PPP2R5E: variants seen among roughly 807,000 people sequenced by gnomAD.
PPP2R5E encodes serine/threonine-protein phosphatase 2A 56 kDa regulatory subunit epsilon isoform.
In PPP2R5E, 4 loss-of-function variants were observed where a neutral mutation model predicts 65.3. That is an observed-to-expected ratio of 0.06 (90% confidence interval 0.03 to 0.14). The LOEUF (loss-of-function observed/expected upper bound fraction) is 0.14. PPP2R5E is among the 10% of genes least tolerant of loss of function. PPP2R5E has a pLI of 1.00. For synonymous variants in PPP2R5E, 183 were observed against 187.4 expected, an observed-to-expected ratio of 0.98 and a Z score of 0.19; for missense variants, 274 against 556.1, an observed-to-expected ratio of 0.49 and a Z score of 5.10.
chr14:63,495,928 G>A (rs975593325), intron 2 of PPP2R5E, among the ~76,000 whole-genome samples: 13 of 152,042 alleles, frequency 8.6e-5, no homozygotes, highest in Admixed American at 5.2e-4. Flanking sequence ...GGGCTCAAGC[G>A]ATCCTCCCGC....
At chr14:63,435,628 C>A (rs1206216239) in intron 3 of PPP2R5E, among the ~76,000 whole-genome samples, 1 of 152,170 alleles carries the variant, frequency 6.6e-6, no homozygotes, top group East Asian at 1.9e-4. Context: ...TTAAGTCTAA[C>A]CTCCTCTGCT....
intron 5 of PPP2R5E, among the ~76,000 whole-genome samples, chr14:63,398,269 A>T (rs1885528682): frequency 6.6e-6 from 1 of 152,168 alleles, no homozygotes; most frequent in Admixed American, 6.5e-5. Context: ...ATGGAAATGC[A>T]AGAGAACCAG....
At chr14:63,415,347 A>G (rs1178801988) in intron 4 of PPP2R5E, 115 bp from the exon 5 acceptor site, 3 of 604,160 alleles carry the variant, frequency 5.0e-6, no homozygotes, top group Middle Eastern at 4.5e-4. Flanking sequence ...TGATTTTAAT[A>G]TCAATCAACA....
chr14:63,384,407 G>A, intron 12 of PPP2R5E, 37 bp downstream of exon 12: 3 of 1,589,454 alleles, frequency 1.9e-6, no homozygotes, highest in Non-Finnish European at 2.6e-6. Context: ...AGAGAGGAAG[G>A]GAGGAAGAGA....
intron 2 of PPP2R5E, among the ~76,000 whole-genome samples, chr14:63,512,078 TAA>T (rs57623942): frequency 0.048 from 4,178 of 86,754 alleles, 259 homozygotes; most frequent in African/African-American, 0.14. Context: ...GACTCTGCGG[TAA>T]AAAAAAAAAA....
At chr14:63,430,361 ACATACATACATGCATG>A (rs1390425255) in intron 3 of PPP2R5E, among the ~76,000 whole-genome samples, 63 of 133,532 alleles carry the variant, frequency 4.7e-4, no homozygotes, top group African/African-American at 1.9e-3. Flanking sequence ...ATACATACAT[ACATACATACATGCATG>A]CATACATACA....
At chr14:63,484,330 C>T (rs1008204952) in intron 2 of PPP2R5E, among the ~76,000 whole-genome samples, 1 of 142,916 alleles carries the variant, frequency 7.0e-6, no homozygotes, top group African/African-American at 2.8e-5. Context: ...CTCTTTCTTT[C>T]TCTTTCTCTC....
chr14:63,461,913 C>T (rs1417191499), intron 2 of PPP2R5E, among the ~76,000 whole-genome samples: 1 of 151,972 alleles, frequency 6.6e-6, no homozygotes. Flanking sequence ...CTCGACCTTC[C>T]TTTCTCTTCT....
chr14:63,482,928 C>T (rs1890787566), intron 2 of PPP2R5E, among the ~76,000 whole-genome samples: 1 of 152,100 alleles, frequency 6.6e-6, no homozygotes, highest in Admixed American at 6.6e-5. Context: ...GACAATACCG[C>T]AGTGAACAAA....
intron 2 of PPP2R5E, among the ~76,000 whole-genome samples, chr14:63,511,912 C>G (rs1320357337): frequency 6.6e-6 from 1 of 151,802 alleles, no homozygotes; most frequent in Non-Finnish European, 1.5e-5. Context: ...AACCCCATCT[C>G]TACTAAGATA....
At chr14:63,490,260 C>A (rs1048254030) in intron 2 of PPP2R5E, among the ~76,000 whole-genome samples, 1 of 152,068 alleles carries the variant, frequency 6.6e-6, no homozygotes, top group African/African-American at 2.4e-5. Context: ...CTACACCTTT[C>A]ACCATATACA....
chr14:63,429,205 T>C (rs1253411178), intron 3 of PPP2R5E, among the ~76,000 whole-genome samples: 2 of 152,216 alleles, frequency 1.3e-5, no homozygotes, highest in African/African-American at 2.4e-5. Flanking sequence ...TTCTAGATGG[T>C]TGAGTATCAT....
At chr14:63,430,373 G>GCATACATACATACATACATGCATGCATA (rs1402372223) in intron 3 of PPP2R5E, among the ~76,000 whole-genome samples, 9 of 126,534 alleles carry the variant, frequency 7.1e-5, no homozygotes, top group African/African-American at 2.9e-4. Context: ...ATACATACAT[G>GCATACATACATACATACATGCATGCATA]CATGCATACA....
At chr14:63,506,042 C>T (rs1291851399) in intron 2 of PPP2R5E, among the ~76,000 whole-genome samples, 4 of 152,024 alleles carry the variant, frequency 2.6e-5, no homozygotes, top group African/African-American at 7.2e-5. Context: ...TATTTGCATG[C>T]TTCAAAGGGC....
intron 5 of PPP2R5E, among the ~76,000 whole-genome samples, chr14:63,410,660 G>A (rs1886344275): frequency 6.6e-6 from 1 of 152,164 alleles, no homozygotes; most frequent in Non-Finnish European, 1.5e-5. Flanking sequence ...GCAGACTAAA[G>A]GGTAAGGAAA....
chr14:63,397,408 A>G (rs1360715733), intron 5 of PPP2R5E, among the ~76,000 whole-genome samples: 5 of 150,114 alleles, frequency 3.3e-5, no homozygotes, highest in African/African-American at 1.2e-4. Flanking sequence ...AGGCTGAGGC[A>G]GGAGAATCAC....
intron 2 of PPP2R5E, among the ~76,000 whole-genome samples, chr14:63,471,615 C>T (rs1298274618): frequency 2.0e-5 from 3 of 152,146 alleles, no homozygotes; most frequent in Admixed American, 6.5e-5. Flanking sequence ...TTCTACAATG[C>T]TGTGAGGTAG....
At chr14:63,384,235 G>A (rs1884528451) in intron 12 of PPP2R5E, among the ~76,000 whole-genome samples, 1 of 152,128 alleles carries the variant, frequency 6.6e-6, no homozygotes, top group Non-Finnish European at 1.5e-5. Flanking sequence ...GACAGATCAA[G>A]AAGCCTGTCT....
chr14:63,402,207 G>T (rs557328916), intron 5 of PPP2R5E, among the ~76,000 whole-genome samples: 2 of 152,154 alleles, frequency 1.3e-5, no homozygotes, highest in Non-Finnish European at 2.9e-5. Flanking sequence ...GTCCCTTTTG[G>T]AAGAAACTGA....
Sources: gnomAD v4.1 joint callset for allele counts (sites outside exome capture counted in the v4.1 genomes callset) on GRCh38, gnomAD v4.1.1 for gene constraint, MANE v1.5 for transcripts, NCBI Gene and HGNC (gene_info 2026-07-23, HGNC 2026-07-21) for gene names.